The following PCID2 variants were observed in gnomAD, a reference collection of about 807,000 sequenced individuals.
The protein encoded by PCID2 is PCI domain containing 2, also known as PCI domain-containing protein 2.
Under a neutral mutation model 61.3 loss-of-function variants are expected in PCID2, and 41 were observed. The observed-to-expected ratio is 0.67, with a 90% CI of 0.52 to 0.87. The LOEUF (loss-of-function observed/expected upper bound fraction) is 0.87, where lower values mean the gene tolerates loss of function less well. Ranked by LOEUF, PCID2 falls within the 40% of genes least tolerant of loss-of-function variation. The probability of loss-of-function intolerance (pLI) is 0.00; values close to 1 mark genes in which losing one functional copy is unlikely to be tolerated. For synonymous variants in PCID2, 187 were observed against 177.8 expected (o/e 1.05, Z -0.41); for missense variants, 392 against 493.4 (o/e 0.79, Z 1.95).
intron 1 of PCID2, among the ~76,000 whole-genome samples, chr13:113,207,230 T>C (rs940697872): frequency 2.6e-5 from 4 of 152,262 alleles, no homozygotes; most frequent in Non-Finnish European, 5.9e-5. Context: ...AGTTATGTAC[T>C]TTTAAGCTCA....
chr13:113,196,723 G>A lies in PCID2; in HGVS notation c.266+455C>T, dbSNP rs187746761. On this transcript the variant is annotated intron_variant, in intron 4 of 13. Transcript: ENST00000337344. ...CTTAGCACACTCACTGACTCAGGCC[G>A]TAACTAAAGATACCCTTTAAATGAC... 2.0e-3 allele frequency among the ~76,000 whole-genome samples: 303 copies of A among 152,310 alleles called. 1 individual carries two copies. The highest frequency in any genetic ancestry group is 6.8e-3 in the African/African-American group (283 of 41,564).
chr13:113,179,147 C>T lies in PCID2; in HGVS notation c.987-58G>A, dbSNP rs2037388295. On this transcript the variant is annotated intron_variant, in intron 12 of 13. Coordinates refer to ENST00000337344, the MANE Select transcript of PCID2 (RefSeq NM_001127202.4). The surrounding 1 kb of genome is among the most constrained non-coding windows in gnomAD (Gnocchi z 4.3). ...ACCGACAGGATGCAATACTCCACAG[C>T]CAAGAAAAGGCACCTCTTAATAAGC... 1 of 1,510,012 alleles carries T rather than the reference C, an allele frequency of 6.6e-7. No individual in the cohort carries two copies. The highest frequency in any genetic ancestry group is 2.1e-5 in the Admixed American group (1 of 47,740). The allele number at this position is 1,510,012 out of a possible 1,614,324, so 93.5% of individuals were successfully genotyped here.
chr13:113,194,918 G>C (rs969449420), intron 6 of PCID2, among the ~76,000 whole-genome samples, 153 bp downstream of exon 6: 1 of 152,194 alleles, frequency 6.6e-6, no homozygotes, highest in African/African-American at 2.4e-5. Context: ...AACCCAGAAA[G>C]AATAGTCAAT....
At chr13:113,175,819 G>A (rs1429858861), downstream of PCID2, among the ~76,000 whole-genome samples, 1 of 152,270 alleles carries the variant, frequency 6.6e-6, no homozygotes, top group Admixed American at 6.5e-5. Context: ...TGACTTAGGA[G>A]AGCAGGGCAT....
chr13:113,184,001 C>T, intron 9 of PCID2: 1 of 985,296 alleles, frequency 1.0e-6, no homozygotes, highest in Non-Finnish European at 1.2e-6. Flanking sequence ...GTCCTAATCT[C>T]CATTTCCTAT....
At chr13:113,175,242 TA>T (rs780752938), downstream of PCID2, among the ~76,000 whole-genome samples, 14 of 151,992 alleles carry the variant, frequency 9.2e-5, no homozygotes, top group Non-Finnish European at 2.1e-4. Context: ...CACCAAGAGG[TA>T]AACGTAAGGA....
At chr13:113,180,538 C>T (rs1248607171) in intron 10 of PCID2, among the ~76,000 whole-genome samples, 1 of 152,172 alleles carries the variant, frequency 6.6e-6, no homozygotes, top group African/African-American at 2.4e-5. Context: ...GAGATGTAGG[C>T]ATACGGAAGT....
the PCID2 span, among the ~76,000 whole-genome samples, chr13:113,169,228 T>C: frequency 6.6e-6 from 1 of 152,274 alleles, no homozygotes. Flanking sequence ...TCTTCTGCAA[T>C]GTCTAATCTG....
chr13:113,199,022 A>T (rs1007353380), intron 2 of PCID2, among the ~76,000 whole-genome samples: 1 of 152,168 alleles, frequency 6.6e-6, no homozygotes, highest in African/African-American at 2.4e-5. Flanking sequence ...ATTTCTTTCT[A>T]AGTTTTCCTT....
chr13:113,196,083 T>A (rs2038991224), intron 5 of PCID2, 98 bp downstream of exon 5: 2 of 852,686 alleles, frequency 2.3e-6, no homozygotes, highest in Non-Finnish European at 4.0e-6. Context: ...AATATCCACA[T>A]GGAAAATACA....
In PCID2 at chr13:113,195,058, A is replaced by AAATTAAACT; in HGVS notation, c.363+4_363+12dup. 6.4e-7 allele frequency: 1 copy of AAATTAAACT among 1,555,048 alleles called. No individual in the cohort carries two copies. Among genetic ancestry groups the AAATTAAACT allele is most frequent in the Non-Finnish European group, 8.9e-7 (1 of 1,125,844 alleles). On this transcript the variant is annotated intron_variant, in intron 6 of 13. Coordinates refer to ENST00000337344, the MANE Select transcript of PCID2 (RefSeq NM_001127202.4). ...TTAGTTTTAAAATAATAATGACAGC[A>AAATTAAACT]AATTAAACTTACATTATTGGCAAAC...
At chr13:113,207,547 T>C (rs1019981792) in intron 1 of PCID2, among the ~76,000 whole-genome samples, 8 of 152,166 alleles carry the variant, frequency 5.3e-5, no homozygotes, top group Non-Finnish European at 1.2e-4. Context: ...TTGAGGTAAG[T>C]GGTGTAAAAA....
At chr13:113,165,216 G>A in the PCID2 span, 4 of 1,323,658 alleles carry the variant, frequency 3.0e-6, no homozygotes, top group Non-Finnish European at 4.2e-6. Context: ...AAGTGAATCA[G>A]GCATCCTGAC....
At chr13:113,181,359 T>C in intron 9 of PCID2, 129 bp from the exon 10 acceptor site, 2 of 593,170 alleles carry the variant, frequency 3.4e-6, no homozygotes, top group East Asian at 5.5e-5. Context: ...TCTCAAAAAA[T>C]ATCATCCCAG....
At chr13:113,185,216 G>A (rs535949809) in intron 8 of PCID2, among the ~76,000 whole-genome samples, 15 of 152,340 alleles carry the variant, frequency 9.8e-5, no homozygotes, top group Non-Finnish European at 1.2e-4. Flanking sequence ...TGGGACAGCT[G>A]CTTCACACAC....
At chr13:113,206,117 C>G (rs2039791740) in intron 1 of PCID2, among the ~76,000 whole-genome samples, 1 of 152,204 alleles carries the variant, frequency 6.6e-6, no homozygotes, top group African/African-American at 2.4e-5. Flanking sequence ...GTAACAGAGG[C>G]AGATGCTCAA....
intron 5 of PCID2, among the ~76,000 whole-genome samples, chr13:113,195,478 AC>A: frequency 6.6e-6 from 1 of 152,326 alleles, no homozygotes; most frequent in African/African-American, 2.4e-5. Context: ...AGATTTCCTA[AC>A]AGGAACCAGA....
Position 113,178,484 on chromosome 13 carries a change from C to T in PCID2, c.1111-197G>A, listed in dbSNP as rs553038973. 202 of 507,008 alleles carry T rather than the reference C, an allele frequency of 4.0e-4. No individual in the cohort carries two copies. The South Asian group carries it at 4.1e-3, about 10-fold the overall frequency. The allele number at this position is 507,008 out of a possible 1,614,324, so 31.4% of individuals were successfully genotyped here. A position where few individuals can be genotyped will look rare whatever the true frequency, so the allele number is the denominator to read the frequency against. The stretch of plus-strand genomic sequence containing the variant: ...GTGGGTTTCATATCCATGAATCTAA[C>T]CAACTGTGGACTGAAAATATTTGGG... On this transcript the variant is annotated intron_variant, in intron 13 of 13. Transcript: ENST00000337344.
intron 10 of PCID2, among the ~76,000 whole-genome samples, 161 bp downstream of exon 10, chr13:113,180,969 G>A (rs1314504417): frequency 1.3e-5 from 2 of 152,126 alleles, no homozygotes; most frequent in African/African-American, 4.8e-5. Context: ...TCTGGGTTTG[G>A]GCCACACACA....
Sources: gnomAD v4.1 joint callset for allele counts (sites outside exome capture counted in the v4.1 genomes callset) on GRCh38, gnomAD v4.1.1 for gene constraint, Gnocchi (gnomAD v3.1) non-coding constraint, MANE v1.5 for transcripts, NCBI Gene and HGNC (gene_info 2026-07-23, HGNC 2026-07-21) for gene names.